Variants in TLN1 observed in about 807,000 individuals in gnomAD.
The protein encoded by TLN1 is talin 1.
A neutral mutation model predicts 292.3 loss-of-function variants in TLN1; 56 were observed. The observed-to-expected ratio is 0.19, with a 90% CI of 0.15 to 0.24. TLN1 has a LOEUF of 0.24. Ranked by LOEUF, TLN1 falls within the 10% of genes least tolerant of loss-of-function variation. TLN1 has a pLI of 1.00. For missense variants in TLN1, 2,433 were observed against 3,248.2 expected, an observed-to-expected ratio of 0.75 and a Z score of 6.10; for synonymous variants, 1,119 against 1,253.7, an observed-to-expected ratio of 0.89 and a Z score of 2.27.
At chr9:35,716,324 G>T in intron 20 of TLN1, 66 bp downstream of exon 20, 1 of 1,563,560 alleles carries the variant, frequency 6.4e-7, no homozygotes, top group South Asian at 1.2e-5. Context: ...AGATGAGGGT[G>T]ACCATCTGGA....
At chr9:35,723,801 T>C (rs941403603) in intron 7 of TLN1, 151 bp downstream of exon 7, 62 of 1,143,154 alleles carry the variant, frequency 5.4e-5, no homozygotes, top group Non-Finnish European at 7.0e-5. Context: ...CAATGGATGA[T>C]GGCAACTAAA....
intron 33 of TLN1, among the ~76,000 whole-genome samples, chr9:35,710,240 A>G (rs975476327): frequency 7.3e-5 from 11 of 151,472 alleles, no homozygotes; most frequent in Admixed American, 3.9e-4. Flanking sequence ...AAAAAAAAAA[A>G]AAAGAAAGTA....
At position 35,697,421 on chromosome 9, in the gene TLN1, A is replaced by C. The variant is rs1284688987; in HGVS notation, c.*370T>G. The C allele has an allele frequency of 4.2e-6, 1 of 238,172 alleles. No individual in the cohort carries two copies. Among genetic ancestry groups the C allele is most frequent in the Admixed American group, 5.0e-5 (1 of 19,844 alleles). 14.8% of individuals were successfully genotyped at this position (238,172 alleles called of 1,614,324 possible). A position where few individuals can be genotyped will look rare whatever the true frequency, so the allele number is the denominator to read the frequency against. ...CCCTATGGGTAGCTGGGGGTGGGGG[A>C]AGATAGTATCAAAAAACGGTGAAGA... is the stretch of plus-strand genomic sequence containing the variant. On this transcript the variant is annotated 3_prime_UTR_variant, in exon 57 of 57. Transcript: ENST00000314888.
rs1204625111 is a variant in TLN1, at chr9:35,707,914, C to T, written c.4471-22G>A. 3.1e-6 allele frequency: 5 copies of T among 1,611,580 alleles called. No individual in the cohort carries two copies. Among genetic ancestry groups the T allele is most frequent in the Middle Eastern group, 1.7e-4 (1 of 5,908 alleles). ...GCACCTGAGGAGACACATGGAAGAG[C>T]CACGATGAGGGCAGGAAGGAGGTGT... On this transcript the variant is annotated intron_variant, in intron 34 of 56. Transcript: ENST00000314888. The surrounding 1 kb of genome is among the most constrained non-coding windows in gnomAD (Gnocchi z 5.6).
At position 35,711,358 on chromosome 9, in the gene TLN1, T is replaced by C; in HGVS notation, c.3916A>G (p.Lys1306Glu). 6.2e-7 allele frequency: 1 copy of C among 1,614,140 alleles called. No individual in the cohort carries two copies. Among genetic ancestry groups the C allele is most frequent in the Non-Finnish European group, 8.5e-7 (1 of 1,180,016 alleles). The change falls in exon 30 of 57, where the codon AAG becomes GAG. Residue 1306 changes from lysine (K) to glutamate (E), a missense_variant. This residue lies in a region of TLN1 where 1,384 missense variants were observed against 1,699.6 expected (regional missense o/e 0.81). Transcript: ENST00000314888. ...EDRAQVVSNL[K>E]GISMSSSKLL... Reference sequence around the variant, plus strand: ...TTGCTTGAAGACATGGAGATGCCCTTCAAGTTGGACACAACTTGGGCTCGG... The same window carrying C: ...TTGCTTGAAGACATGGAGATGCCCTCCAAGTTGGACACAACTTGGGCTCGG...
At chr9:35,723,844 C>T (rs543358391) in intron 7 of TLN1, 108 bp downstream of exon 7, 859 of 1,537,804 alleles carry the variant, frequency 5.6e-4, no homozygotes, top group Non-Finnish European at 7.0e-4. Flanking sequence ...CCTGGTACCT[C>T]GGAAGAAGAA....
intron 8 of TLN1, 145 bp from the exon 9 acceptor site, chr9:35,722,368 G>A (rs1259087638): frequency 1.2e-5 from 9 of 721,120 alleles, no homozygotes; most frequent in Admixed American, 2.1e-5. Context: ...GAGGGTAACG[G>A]GATGGAGGCT....
chr9:35,706,388 G>A lies in TLN1; in HGVS notation c.5191-22C>T, dbSNP rs777273380. On this transcript the variant is annotated intron_variant, in intron 39 of 56. Transcript: ENST00000314888. The surrounding 1 kb of genome is among the most constrained non-coding windows in gnomAD (Gnocchi z 4.2). ...ACACCTGAGGCAAGGGGTTGGACTA[G>A]GGGTCAGGTCCCCTCTCTCTCACCC... The A allele has an allele frequency of 2.5e-6, 4 of 1,611,764 alleles. No homozygotes were observed. In the South Asian group the frequency reaches 3.3e-5, roughly 13 times the overall value.
rs144226423 is a variant in TLN1 at position 35,727,950 on chromosome 9, G to A, written c.-33-2223C>T. Among the ~76,000 whole-genome samples, 10 of 152,294 alleles carry A rather than the reference G, an allele frequency of 6.6e-5. 1 individual carries two copies. The South Asian group carries it at 1.9e-3, about 28-fold the overall frequency. ...AACTGATCAGTGAATTGTGGGTGGTGGTGGCAAAGAACAAGGCTGCTACAA... is the reference window on the plus strand; with the variant it reads ...AACTGATCAGTGAATTGTGGGTGGTAGTGGCAAAGAACAAGGCTGCTACAA... On this transcript the variant is annotated intron_variant, in intron 1 of 56. Transcript: ENST00000314888.
In TLN1 at chr9:35,704,525, T is replaced by C; in HGVS notation, c.5881-27A>G. On this transcript the variant is annotated intron_variant, in intron 44 of 56. Transcript: ENST00000314888. The surrounding 1 kb of genome is among the most constrained non-coding windows in gnomAD (Gnocchi z 6.9). ...TGGGTAGGGAATGTCACATGGTGAC[T>C]GTGGAAGGTGCCATGTGAAATGGAA... 1 of 1,590,132 alleles carries C rather than the reference T, an allele frequency of 6.3e-7. No individual in the cohort carries two copies. The highest frequency in any genetic ancestry group is 8.6e-7 in the Non-Finnish European group (1 of 1,166,420).
In TLN1 at chr9:35,714,045, C is replaced by T. The variant is rs1222833782; in HGVS notation, c.3157G>A (p.Ala1053Thr). The T allele has an allele frequency of 2.5e-6, 4 of 1,614,106 alleles. No homozygotes were observed. Reference protein sequence around the residue: ...EACGPLEMDSALSVVQNLEKD... With the variant: ...EACGPLEMDSTLSVVQNLEKD... ...TCTAGATTCTGTACCACACTCAGTG[C>T]AGAATCCATCTCCAAAGGTCCACAT... Residue 1053 changes from alanine to threonine, a missense_variant, in exon 25 of 57, where the codon GCA (alanine) becomes ACA (threonine). Transcript: ENST00000314888. The surrounding 1 kb of genome is among the most constrained non-coding windows in gnomAD (Gnocchi z 4.6).
In TLN1 at chr9:35,717,741, C is replaced by A; in HGVS notation, c.2041G>T (p.Ala681Ser). ...ACACTCTTGGCCTTGAGGACCAGGG[C>A]AGCTGCAGCACTTGCCACAGCTTTG... is the stretch of plus-strand genomic sequence containing the variant. ...LAKAVASAAA[A>S]LVLKAKSVAQ... Residue 681 changes from alanine to serine, a missense_variant, in exon 18 of 57, where the codon GCC becomes TCC. Ala to Ser is a moderately conservative substitution (Grantham distance 99, BLOSUM62 1). Around this residue, in one of 7 missense-constraint regions of TLN1, gnomAD observed 617 missense variants for 770.6 expected, o/e 0.80. Coordinates refer to ENST00000314888, the MANE Select transcript of TLN1 (RefSeq NM_006289.4). The surrounding 1 kb of genome is among the most constrained non-coding windows in gnomAD (Gnocchi z 4.7). 1 of 1,611,432 alleles carries A rather than the reference C, an allele frequency of 6.2e-7. No homozygotes were observed. The highest frequency in any genetic ancestry group is 8.5e-7 in the Non-Finnish European group (1 of 1,178,038).
In TLN1 at chr9:35,710,866, C is replaced by CCAG. The variant is rs754982815; in HGVS notation, c.4133_4134insCTG (p.Glu1378delinsAspTrp). The CCAG allele has an allele frequency of 6.8e-6, 11 of 1,614,238 alleles. No individual in the cohort carries two copies. Among genetic ancestry groups the CCAG allele is most frequent in the Non-Finnish European group, 9.3e-6 (11 of 1,180,056 alleles). On this transcript the variant is annotated protein_altering_variant, in exon 32 of 57. Transcript: ENST00000314888. ...TGTCATTGATGGGCTGGACTGGGTT[C>CCAG]TCCAGGAGTTCCCGGACCGTCTGTG...
chr9:35,703,458 T>G (rs1825504093), intron 48 of TLN1, 102 bp downstream of exon 48: 2 of 1,111,808 alleles, frequency 1.8e-6, no homozygotes. Flanking sequence ...GAGAGAAGAC[T>G]GTGTGTGACT....
Position 35,719,489 on chromosome 9 carries a change from CA to C in TLN1, c.1687+29del, listed in dbSNP as rs931457167. 28 of 1,592,074 alleles carry C rather than the reference CA, an allele frequency of 1.8e-5. No homozygotes were observed. The Admixed American group carries it at 3.3e-4, about 19-fold the overall frequency. On this transcript the variant is annotated intron_variant, in intron 15 of 56. Coordinates refer to ENST00000314888, the MANE Select transcript of TLN1 (RefSeq NM_006289.4). This position sits in a 1 kb window ranked among gnomAD's most constrained non-coding sequence, Gnocchi z 4.6. ...GCACACTTGCACCCCCTCTCCCCAT[CA>C]CACACCCGGAAGCTAGCATCCGGCC...
chr9:35,720,629 CTTTTTT>C (rs372029210), intron 11 of TLN1, 120 bp from the exon 12 acceptor site: 25 of 833,408 alleles, frequency 3.0e-5, no homozygotes, highest in African/African-American at 3.7e-5. Flanking sequence ...ATTTCTTTTT[CTTTTTT>C]TTTTTTTTTT....
intron 27 of TLN1, among the ~76,000 whole-genome samples, chr9:35,712,329 T>C (rs1244679827): frequency 6.6e-6 from 1 of 152,170 alleles, no homozygotes; most frequent in Non-Finnish European, 1.5e-5. Context: ...AGCCCATGAC[T>C]GAATCCAACT....
chr9:35,720,318 G>A, intron 12 of TLN1, 99 bp from the exon 13 acceptor site: 2 of 1,529,782 alleles, frequency 1.3e-6, no homozygotes, highest in Non-Finnish European at 1.8e-6. Flanking sequence ...TCTCACTACA[G>A]CCTGCAACTA....
At chr9:35,721,402 T>TA in intron 10 of TLN1, among the ~76,000 whole-genome samples, 2 of 152,360 alleles carry the variant, frequency 1.3e-5, no homozygotes, top group Middle Eastern at 3.4e-3. Context: ...TCACCACACC[T>TA]ACAAGAATTC....
Sources: allele counts gnomAD v4.1 joint callset (sites outside exome capture counted in the v4.1 genomes callset), GRCh38; gene constraint gnomAD v4.1.1; regional missense constraint gnomAD v4.1.1; non-coding constraint Gnocchi (gnomAD v3.1); transcripts MANE v1.5; gene names NCBI Gene and HGNC (gene_info 2026-07-23, HGNC 2026-07-21).